The following ARHGEF10L variants were observed in gnomAD, a reference collection of about 807,000 sequenced individuals.
The protein encoded by ARHGEF10L is Rho guanine nucleotide exchange factor 10 like.
A neutral mutation model predicts 141.2 loss-of-function variants in ARHGEF10L; 69 were observed. That is an observed-to-expected ratio of 0.49 (90% confidence interval 0.40 to 0.60). ARHGEF10L has a LOEUF of 0.60. ARHGEF10L is among the 20% of genes least tolerant of loss of function. The probability of loss-of-function intolerance (pLI) is 0.00; values close to 1 mark genes in which losing one functional copy is unlikely to be tolerated. For missense variants in ARHGEF10L, 1,482 were observed against 1,734.3 expected, an observed-to-expected ratio of 0.85 and a Z score of 2.58; for synonymous variants, 711 against 718.5, an observed-to-expected ratio of 0.99 and a Z score of 0.17.
At chr1:17,540,415 G>A (rs1042091722) in intron 1 of ARHGEF10L, among the ~76,000 whole-genome samples, 4 of 152,090 alleles carry the variant, frequency 2.6e-5, no homozygotes, top group African/African-American at 4.8e-5. Flanking sequence ...GCCCAGAGGC[G>A]GAACGGGACG....
intron 26 of ARHGEF10L, among the ~76,000 whole-genome samples, chr1:17,668,490 C>T (rs1470227403): frequency 1.3e-5 from 2 of 152,242 alleles, no homozygotes; most frequent in Non-Finnish European, 2.9e-5. Context: ...CCTGGGGCCC[C>T]AATGGCCACC....
rs2077433171 is a variant in ARHGEF10L at position 17,558,640 on chromosome 1, G to A, written c.-44+18690G>A. Among the ~76,000 whole-genome samples the A allele has an allele frequency of 6.6e-6, 1 of 152,246 alleles. No homozygotes were observed. Among genetic ancestry groups the A allele is most frequent in the Non-Finnish European group, 1.5e-5 (1 of 68,048 alleles). ...TTTGGGAAGGCAGGTCATCGTGGCT[G>A]GGGCAGGTGGGGACCTTTTCCTCTT... On this transcript the variant is annotated intron_variant, in intron 1 of 28. Transcript: ENST00000361221. The surrounding 1 kb of genome is among the most constrained non-coding windows in gnomAD (Gnocchi z 4.2).
chr1:17,607,910 C>CG lies in ARHGEF10L; in HGVS notation c.547dup (p.Glu183GlyfsTer28). 1 of 1,537,534 alleles carries CG rather than the reference C, an allele frequency of 6.5e-7. No individual in the cohort carries two copies. The highest frequency in any genetic ancestry group is 8.7e-7 in the Non-Finnish European group (1 of 1,145,610). On this transcript the variant is annotated frameshift_variant, in exon 7 of 29. Transcript: ENST00000361221. LOFTEE classifies it high-confidence loss of function. This position sits in a 1 kb window ranked among gnomAD's most constrained non-coding sequence, Gnocchi z 4.5. ...GAGTTCGAGAGCTACAGCGAGGACT[C>CG]GGGGGAGGAGGCCAAGCCGGAGGTC...
At chr1:17,535,266 C>T (rs2076558551), upstream of ARHGEF10L, among the ~76,000 whole-genome samples, 2 of 152,096 alleles carry the variant, frequency 1.3e-5, no homozygotes, top group Admixed American at 1.3e-4. Flanking sequence ...AATCTAATGC[C>T]ACCATTGCTG....
At chr1:17,524,335 G>A in the ARHGEF10L span, among the ~76,000 whole-genome samples, 22 of 147,368 alleles carry the variant, frequency 1.5e-4, no homozygotes, top group African/African-American at 5.3e-4. Flanking sequence ...CCTTGGATCA[G>A]CCTGGGCAAC....
the ARHGEF10L span, among the ~76,000 whole-genome samples, chr1:17,524,410 CACACACACACAA>C: frequency 8.3e-5 from 10 of 121,160 alleles, no homozygotes; most frequent in East Asian, 2.0e-4. Context: ...CACACACACA[CACACACACACAA>C]AATTAGCCTG....
At chr1:17,593,584 A>G (rs2079791580) in intron 4 of ARHGEF10L, among the ~76,000 whole-genome samples, 2 of 152,078 alleles carry the variant, frequency 1.3e-5, no homozygotes, top group Non-Finnish European at 2.9e-5. Context: ...CAAGGAATGC[A>G]GGTGGCTTCT....
chr1:17,600,238 G>A (rs1176351413), intron 4 of ARHGEF10L, among the ~76,000 whole-genome samples: 2 of 152,148 alleles, frequency 1.3e-5, no homozygotes, highest in East Asian at 1.9e-4. Context: ...ATCCCTCCTC[G>A]CAGCCTCCTC....
intron 15 of ARHGEF10L, among the ~76,000 whole-genome samples, chr1:17,628,600 G>C (rs1013614051): frequency 6.6e-6 from 1 of 152,116 alleles, no homozygotes; most frequent in Non-Finnish European, 1.5e-5. Flanking sequence ...TTGCAGGACT[G>C]TTCTTTGGAG....
chr1:17,597,040 G>T (rs2100836165), intron 4 of ARHGEF10L, among the ~76,000 whole-genome samples: 1 of 152,326 alleles, frequency 6.6e-6, no homozygotes. Context: ...TGGTGCACTT[G>T]AACTCCTCTG....
chr1:17,586,321 G>C (rs1012102537), intron 2 of ARHGEF10L, among the ~76,000 whole-genome samples: 3 of 152,244 alleles, frequency 2.0e-5, no homozygotes, highest in African/African-American at 7.2e-5. Flanking sequence ...AGGGAGCTCA[G>C]ACAGGGCCAT....
chr1:17,639,998 G>C lies in ARHGEF10L; in HGVS notation c.2172-204G>C. ...CCTGGCCAGGTACCTCCCTCTGGGGGTCATTGTGGGCGGAGGGATTCCTCC... is the reference window on the plus strand; with the variant it reads ...CCTGGCCAGGTACCTCCCTCTGGGGCTCATTGTGGGCGGAGGGATTCCTCC... On this transcript the variant is annotated intron_variant, in intron 20 of 28. Coordinates refer to ENST00000361221, the MANE Select transcript of ARHGEF10L (RefSeq NM_018125.4). This position sits in a 1 kb window ranked among gnomAD's most constrained non-coding sequence, Gnocchi z 4.3. 2 of 1,479,380 alleles carry C rather than the reference G, an allele frequency of 1.4e-6. No homozygotes were observed. The highest frequency in any genetic ancestry group is 1.8e-6 in the Non-Finnish European group (2 of 1,118,696). 91.6% of individuals were successfully genotyped at this position (1,479,380 alleles called of 1,614,324 possible).
At chr1:17,537,089 TC>T (rs1473302961), upstream of ARHGEF10L, among the ~76,000 whole-genome samples, 1 of 151,944 alleles carries the variant, frequency 6.6e-6, no homozygotes, top group Non-Finnish European at 1.5e-5. Context: ...GACAGGGGTC[TC>T]CCTATGTTGC....
At chr1:17,638,246 CTTTG>C (rs2061130323) in intron 19 of ARHGEF10L, among the ~76,000 whole-genome samples, 1 of 152,222 alleles carries the variant, frequency 6.6e-6, no homozygotes. Context: ...GCTGTGGGGC[CTTTG>C]TTTGTTCTCT....
intron 1 of ARHGEF10L, among the ~76,000 whole-genome samples, chr1:17,551,512 A>G (rs58498931): frequency 6.6e-6 from 1 of 152,116 alleles, no homozygotes; most frequent in Non-Finnish European, 1.5e-5. Context: ...AGCTCTGTCC[A>G]TTGTACTAGG....
rs374952585 is a variant in ARHGEF10L, at chr1:17,664,469, G to C, written c.2883G>C (p.Glu961Asp). The change falls in exon 26 of 29, where the codon GAG (glutamate) becomes GAC (aspartate). Residue 961 changes from glutamate (E) to aspartate (D), a missense_variant. Physicochemically the swap from Glu to Asp is conservative, Grantham distance 45 (BLOSUM62 2). This residue lies in a region of ARHGEF10L where 858 missense variants were observed against 966.3 expected (regional missense o/e 0.89). Coordinates refer to ENST00000361221, the MANE Select transcript of ARHGEF10L (RefSeq NM_018125.4). ...RTSGGVLWDL[E>D]SPPVCLTVGP... ...CAGGAGGTGTCCTGTGGGACCTGGA[G>C]AGCCCTCCCGTGTGCCTGACTGTGG... is the stretch of plus-strand genomic sequence containing the variant. The C allele has an allele frequency of 6.2e-7, 1 of 1,605,318 alleles. No homozygotes were observed. Among genetic ancestry groups the C allele is most frequent in the African/African-American group, 1.3e-5 (1 of 74,900 alleles).
upstream of ARHGEF10L, among the ~76,000 whole-genome samples, chr1:17,536,693 G>A (rs1004876239): frequency 1.3e-5 from 2 of 152,164 alleles, no homozygotes; most frequent in Non-Finnish European, 2.9e-5. Context: ...CACTATCACA[G>A]AGGAGGGGCC....
chr1:17,618,365 C>A (rs1483433569), intron 9 of ARHGEF10L: 2 of 1,540,508 alleles, frequency 1.3e-6, no homozygotes, highest in Non-Finnish European at 1.8e-6. Context: ...TGTTACCCAG[C>A]AGCTCGTGGG....
rs2079033711 is a variant in ARHGEF10L at position 17,586,473 on chromosome 1, T to C, written c.38-987T>C. 1.4e-5 allele frequency among the ~76,000 whole-genome samples: 2 copies of C among 147,298 alleles called. 1 individual carries two copies. Among genetic ancestry groups the C allele is most frequent in the South Asian group, 4.5e-4 (2 of 4,478 alleles). On this transcript the variant is annotated intron_variant, in intron 2 of 28. Coordinates refer to ENST00000361221, the MANE Select transcript of ARHGEF10L (RefSeq NM_018125.4). ...GGTTTGCATAAGGTAGGGGATGGAG[T>C]TATTGAACTCCTGAAGTTCCATTCA...
Sources: gnomAD v4.1 joint callset for allele counts (sites outside exome capture counted in the v4.1 genomes callset) on GRCh38, gnomAD v4.1.1 for gene constraint, gnomAD v4.1.1 regional missense constraint, Gnocchi (gnomAD v3.1) non-coding constraint, MANE v1.5 for transcripts, NCBI Gene and HGNC (gene_info 2026-07-23, HGNC 2026-07-21) for gene names.